The following LIFR variants were observed in gnomAD, a reference collection of about 807,000 sequenced individuals.
The protein encoded by LIFR is LIF receptor subunit alpha.
A neutral mutation model predicts 122.2 loss-of-function variants in LIFR; 84 were observed. The ratio of observed to expected loss-of-function variants is 0.69; its 90% CI spans 0.58 to 0.82. The LOEUF (loss-of-function observed/expected upper bound fraction) is 0.82, where lower values mean the gene tolerates loss of function less well. Among genes scored for constraint, LIFR ranks in the 40% least tolerant of loss-of-function variants. The pLI is 0.00. For missense variants in LIFR, 1,294 were observed against 1,311.6 expected, an observed-to-expected ratio of 0.99 and a Z score of 0.21; for synonymous variants, 422 against 434.7, an observed-to-expected ratio of 0.97 and a Z score of 0.36.
chr5:38,561,377 G>T (rs960878515), upstream of LIFR, among the ~76,000 whole-genome samples: 8 of 152,154 alleles, frequency 5.3e-5, no homozygotes, highest in African/African-American at 1.9e-4. Flanking sequence ...TGAAGCCAAT[G>T]ATGTAAAATC....
chr5:38,593,755 T>C (rs1750008082), intron 1 of LIFR, among the ~76,000 whole-genome samples: 1 of 152,146 alleles, frequency 6.6e-6, no homozygotes, highest in African/African-American at 2.4e-5. Context: ...GTGAGATTAG[T>C]GCCCTTATAA....
chr5:38,537,657 G>A (rs1747362933), intron 1 of LIFR, among the ~76,000 whole-genome samples: 1 of 55,836 alleles, frequency 1.8e-5, no homozygotes, highest in African/African-American at 7.5e-5. Context: ...TAATACCAAG[G>A]ATTGTCTTTA....
chr5:38,490,275 A>G lies in LIFR; in HGVS notation c.2082T>C (p.Gly694=), dbSNP rs764078784. The G allele has an allele frequency of 3.3e-6, 5 of 1,537,836 alleles. No individual in the cohort carries two copies. In the Admixed American group the frequency reaches 8.4e-5, roughly 26 times the overall value. Residue 694 remains glycine (G), a synonymous_variant, in exon 15 of 20, where the codon GGT becomes GGC. Coordinates refer to ENST00000453190, the MANE Select transcript of LIFR (RefSeq NM_001127671.2). ...TVIESDEFRP[G]IRYNFFLYGC... is the part of the protein sequence containing the mutation. ...CATACAGGAAAAAATTATATCTTAT[A>G]CCTGGTCGAAACTCATCTATAGGAT...
intron 15 of LIFR, 92 bp downstream of exon 15, chr5:38,490,098 C>T (rs1744500380): frequency 3.0e-5 from 12 of 402,894 alleles, no homozygotes; most frequent in South Asian, 1.3e-4. Context: ...AATTATACAT[C>T]TTATTTTTAG....
Position 38,505,946 on chromosome 5 carries a change from C to T in LIFR, c.1250G>A (p.Gly417Asp), listed in dbSNP as rs1057316855. The change falls in exon 9 of 20, where the codon GGT becomes GAT. Residue 417 changes from glycine to aspartate, a missense_variant. Transcript: ENST00000453190. ...NFTLNAHNPL[G>D]RSQSTILVNI... The stretch of plus-strand genomic sequence containing the variant: ...AACTAAAATTGTTGATTGTGATCGA[C>T]CCAGCGGATTGTGAGCATTCAAAGT... 6.2e-7 allele frequency: 1 copy of T among 1,610,630 alleles called. No individual in the cohort carries two copies. The highest frequency in any genetic ancestry group is 1.3e-5 in the African/African-American group (1 of 74,770).
intron 1 of LIFR, among the ~76,000 whole-genome samples, chr5:38,564,714 A>ACAAT (rs1554029441): frequency 6.8e-6 from 1 of 147,798 alleles, no homozygotes; most frequent in East Asian, 2.0e-4. Flanking sequence ...ATATACACAC[A>ACAAT]ATATATATAT....
intron 1 of LIFR, among the ~76,000 whole-genome samples, chr5:38,585,047 T>C (rs2112748772): frequency 6.6e-6 from 1 of 152,356 alleles, no homozygotes; most frequent in Non-Finnish European, 1.5e-5. Context: ...ATATTCTTCA[T>C]AGGATATTGT....
intron 1 of LIFR, among the ~76,000 whole-genome samples, chr5:38,553,650 A>G (rs1367358269): frequency 1.0e-5 from 1 of 100,166 alleles, no homozygotes; most frequent in East Asian, 5.1e-4. Flanking sequence ...ATATATATAT[A>G]TATATATATA....
chr5:38,533,166 T>C (rs1298074806), intron 1 of LIFR, among the ~76,000 whole-genome samples: 3 of 152,208 alleles, frequency 2.0e-5, no homozygotes, highest in African/African-American at 4.8e-5. Context: ...GTTTTACACA[T>C]TCTAAAGGCC....
rs572330468 is a variant in LIFR, at chr5:38,485,650, C to A, written c.2497+169G>T. Reference sequence around the variant, plus strand: ...ACTTCAAATAACTGACAAGAATAAACATGAAGTAATCTTACAGCTTTTTAA... The same window carrying A: ...ACTTCAAATAACTGACAAGAATAAAAATGAAGTAATCTTACAGCTTTTTAA... On this transcript the variant is annotated intron_variant, in intron 17 of 19. Transcript: ENST00000453190. The A allele has an allele frequency of 4.8e-5, 32 of 667,630 alleles. No individual in the cohort carries two copies. In the African/African-American group the frequency reaches 5.8e-4, roughly 12 times the overall value. The allele number at this position is 667,630 out of a possible 1,614,324, so 41.4% of individuals were successfully genotyped here.
intron 1 of LIFR, among the ~76,000 whole-genome samples, chr5:38,547,832 A>AAT (rs1747981728): frequency 6.6e-6 from 1 of 152,194 alleles, no homozygotes; most frequent in Admixed American, 6.5e-5. Context: ...TATATGGTAT[A>AAT]ATAGCCTATT....
At chr5:38,490,839 C>T (rs1367703283) in intron 14 of LIFR, 3 of 152,114 alleles carry the variant, frequency 2.0e-5, no homozygotes, top group Non-Finnish European at 2.9e-5. Flanking sequence ...ACCTCGTGAC[C>T]CACCCACCTT....
intron 18 of LIFR, among the ~76,000 whole-genome samples, 187 bp downstream of exon 18, chr5:38,484,588 T>TA (rs1744176828): frequency 1.3e-5 from 2 of 152,362 alleles, no homozygotes; most frequent in Admixed American, 6.5e-5. Context: ...ACATTGACTC[T>TA]ATTAAGACCT....
At chr5:38,526,243 C>T (rs892481792) in intron 4 of LIFR, among the ~76,000 whole-genome samples, 7 of 152,154 alleles carry the variant, frequency 4.6e-5, no homozygotes, top group Non-Finnish European at 1.0e-4. Flanking sequence ...CCATAATCTA[C>T]GTGCTCCTGC....
chr5:38,542,395 A>C (rs1159009043), intron 1 of LIFR, among the ~76,000 whole-genome samples: 1 of 152,146 alleles, frequency 6.6e-6, no homozygotes, highest in Non-Finnish European at 1.5e-5. Flanking sequence ...TCTAGTTATG[A>C]CTACCACTTG....
chr5:38,488,834 G>A (rs769770202), intron 16 of LIFR, among the ~76,000 whole-genome samples: 1 of 152,168 alleles, frequency 6.6e-6, no homozygotes, highest in African/African-American at 2.4e-5. Context: ...GTCCTATGAG[G>A]CTTATAATCA....
chr5:38,566,431 A>G (rs901634002), intron 1 of LIFR, among the ~76,000 whole-genome samples: 2 of 152,152 alleles, frequency 1.3e-5, no homozygotes, highest in African/African-American at 4.8e-5. Context: ...TTTTTCCCCC[A>G]GCCACTAACA....
chr5:38,580,714 T>C (rs1749553334), intron 1 of LIFR, among the ~76,000 whole-genome samples: 1 of 152,202 alleles, frequency 6.6e-6, no homozygotes, highest in Non-Finnish European at 1.5e-5. Flanking sequence ...TGCTCTTTTT[T>C]TCCCTCGTTC....
At chr5:38,607,582 A>G (rs993067819) in intron 1 of LIFR, 1 of 152,034 alleles carries the variant, frequency 6.6e-6, no homozygotes, top group African/African-American at 2.4e-5. Flanking sequence ...GAAAATTACC[A>G]TGCATTCCTC....
Sources: gnomAD v4.1 joint callset for allele counts (sites outside exome capture counted in the v4.1 genomes callset) on GRCh38, gnomAD v4.1.1 for gene constraint, MANE v1.5 for transcripts, NCBI Gene and HGNC (gene_info 2026-07-23, HGNC 2026-07-21) for gene names.